The following NTM variants were observed in gnomAD, a reference collection of about 807,000 sequenced individuals.
NTM encodes IgLON family member 2.
NTM carries 13 observed loss-of-function variants against 42.1 expected under a neutral mutation model. The ratio of observed to expected loss-of-function variants is 0.31; its 90% CI spans 0.20 to 0.49. NTM has a LOEUF of 0.49. Ranked by LOEUF, NTM falls within the 20% of genes least tolerant of loss-of-function variation. NTM has a pLI of 0.99. For missense variants in NTM, 373 were observed against 452.8 expected (o/e 0.82, Z 1.60); for synonymous variants, 187 against 179.2 (o/e 1.04, Z -0.35).
At chr11:132,044,082 G>A (rs372118209) in intron 2 of NTM, among the ~76,000 whole-genome samples, 19 of 73,030 alleles carry the variant, frequency 2.6e-4, no homozygotes, top group Admixed American at 6.7e-4. Context: ...GTATGTGTTT[G>A]TGTGTATGTG....
chr11:132,317,956 G>C (rs1236001947), intron 7 of NTM, among the ~76,000 whole-genome samples: 1 of 152,192 alleles, frequency 6.6e-6, no homozygotes, highest in African/African-American at 2.4e-5. Flanking sequence ...CCAGGGATCA[G>C]CACAAAGGCA....
chr11:132,267,863 A>C (rs1056994012), intron 4 of NTM, among the ~76,000 whole-genome samples: 9 of 151,758 alleles, frequency 5.9e-5, no homozygotes, highest in African/African-American at 1.7e-4. Flanking sequence ...AACAAAAAAA[A>C]CCCAGAAACC....
At chr11:131,609,034 G>T (rs550448868) in intron 1 of NTM, among the ~76,000 whole-genome samples, 1 of 152,146 alleles carries the variant, frequency 6.6e-6, no homozygotes, top group Non-Finnish European at 1.5e-5. Context: ...AGGCCTATTC[G>T]CATGCCCAAC....
chr11:131,944,920 A>G (rs1017983912), intron 2 of NTM, among the ~76,000 whole-genome samples: 1 of 152,148 alleles, frequency 6.6e-6, no homozygotes, highest in Non-Finnish European at 1.5e-5. Context: ...ATGATGCAAG[A>G]CTAAGTAAAT....
intron 2 of NTM, among the ~76,000 whole-genome samples, chr11:132,134,839 C>T (rs1416331689): frequency 6.8e-6 from 1 of 147,788 alleles, no homozygotes; most frequent in Non-Finnish European, 1.5e-5. Flanking sequence ...GATTGTGCTG[C>T]TATATACATG....
intron 3 of NTM, among the ~76,000 whole-genome samples, chr11:132,180,106 T>A (rs2077348122): frequency 6.6e-6 from 1 of 152,212 alleles, no homozygotes; most frequent in African/African-American, 2.4e-5. Context: ...CAAAAGGGAT[T>A]GATTGTCTAT....
chr11:131,950,836 C>G (rs891689327), intron 2 of NTM, among the ~76,000 whole-genome samples: 21 of 152,214 alleles, frequency 1.4e-4, no homozygotes, highest in Non-Finnish European at 5.9e-5. Flanking sequence ...TCTTCTTCCT[C>G]CACTTCCTTC....
rs148599470 is a variant in NTM, at chr11:131,736,841, G to A, written c.83-174723G>A. ...TGTCATCCCTGCTTCCAGCCTGGAA[G>A]GAGCTTCATTTATCTGCGTTGAGAA... On this transcript the variant is annotated intron_variant, in intron 1 of 8. Coordinates refer to ENST00000683400, the MANE Select transcript of NTM (RefSeq NM_001352005.2). 7.4e-4 allele frequency among the ~76,000 whole-genome samples: 113 copies of A among 152,288 alleles called. 1 individual carries two copies. The highest frequency in any genetic ancestry group is 1.0e-3 in the Admixed American group (16 of 15,296).
At position 131,650,474 on chromosome 11, in the gene NTM, T is replaced by G. The variant is rs1857922; in HGVS notation, c.83-261090T>G. On this transcript the variant is annotated intron_variant, in intron 1 of 8. Transcript: ENST00000683400. ...ATTCTTTGCCAGAGCTTTTGAAAGT[T>G]CGGTCCAGCCTTCAGATTTTGACTT... Among the ~76,000 whole-genome samples, 3 of 152,024 alleles carry G rather than the reference T, an allele frequency of 2.0e-5. No individual in the cohort carries two copies. In the East Asian group the frequency reaches 5.8e-4, roughly 29 times the overall value.
chr11:132,000,118 A>T (rs1347735744), intron 2 of NTM, among the ~76,000 whole-genome samples: 2 of 152,162 alleles, frequency 1.3e-5, no homozygotes, highest in African/African-American at 4.8e-5. Flanking sequence ...CCTGCCTCAG[A>T]GCAGCCCTCA....
intron 1 of NTM, among the ~76,000 whole-genome samples, chr11:131,372,435 G>A (rs919920035): frequency 2.6e-5 from 4 of 152,038 alleles, no homozygotes; most frequent in African/African-American, 9.7e-5. Context: ...ATAATATGAA[G>A]CAGTATCAGT....
At chr11:131,870,517 A>G (rs2047671217) in intron 1 of NTM, among the ~76,000 whole-genome samples, 1 of 152,064 alleles carries the variant, frequency 6.6e-6, no homozygotes, top group South Asian at 2.1e-4. Context: ...AGCCTAGCCT[A>G]AGGTTGGATT....
chr11:132,165,098 A>G (rs991051827), intron 3 of NTM, among the ~76,000 whole-genome samples: 4 of 152,144 alleles, frequency 2.6e-5, no homozygotes, highest in African/African-American at 7.2e-5. Context: ...GCTTTCACCC[A>G]TGATAGTGAT....
At chr11:132,179,275 A>T (rs1566394228) in intron 3 of NTM, among the ~76,000 whole-genome samples, 1 of 152,196 alleles carries the variant, frequency 6.6e-6, no homozygotes, top group East Asian at 1.9e-4. Flanking sequence ...TTTGTTATGT[A>T]AAGATTGAGA....
chr11:131,459,575 G>T lies in NTM; in HGVS notation c.82+88687G>T, dbSNP rs143241385. Among the ~76,000 whole-genome samples, 1,216 of 152,280 alleles carry T rather than the reference G, an allele frequency of 8.0e-3. 7 individuals carry two copies. Among genetic ancestry groups the T allele is most frequent in the Middle Eastern group, 0.014 (4 of 294 alleles). On this transcript the variant is annotated intron_variant, in intron 1 of 8. Coordinates refer to ENST00000683400, the MANE Select transcript of NTM (RefSeq NM_001352005.2). ...ACCGCATTCACTGGAAACAAGCATT[G>T]ATTCACTATGAGTAAGTCCTATTAA...
intron 1 of NTM, among the ~76,000 whole-genome samples, chr11:131,523,806 GAATA>G (rs1383094515): frequency 5.7e-5 from 7 of 123,892 alleles, no homozygotes; most frequent in Admixed American, 1.6e-4. Context: ...AAAAAAAAAA[GAATA>G]AGAAGAAGAA....
chr11:131,849,056 C>T (rs1310683879), intron 1 of NTM, among the ~76,000 whole-genome samples: 1 of 152,108 alleles, frequency 6.6e-6, no homozygotes, highest in Admixed American at 6.5e-5. Context: ...TGACGTGAGG[C>T]TAAATGAACT....
rs182097685 is a variant in NTM at position 131,871,763 on chromosome 11, C to T, written c.83-39801C>T. Among the ~76,000 whole-genome samples the T allele has an allele frequency of 7.1e-3, 1,077 of 152,204 alleles. 6 individuals carry two copies. The highest frequency in any genetic ancestry group is 0.01 in the Non-Finnish European group (705 of 68,002). On this transcript the variant is annotated intron_variant, in intron 1 of 8. Coordinates refer to ENST00000683400, the MANE Select transcript of NTM (RefSeq NM_001352005.2). ...TTGTGGCTCCTGTAGGCCACCCTGC[C>T]CTGGGCTCCCTGGGGAAGTCTTTCT...
intron 1 of NTM, among the ~76,000 whole-genome samples, chr11:131,421,432 G>T (rs181574529): frequency 6.7e-4 from 102 of 152,320 alleles, no homozygotes; most frequent in African/African-American, 2.4e-3. Context: ...GATGCTGAAG[G>T]TTCCTTTGGA....
Sources: gnomAD v4.1 joint callset for allele counts (sites outside exome capture counted in the v4.1 genomes callset) on GRCh38, gnomAD v4.1.1 for gene constraint, MANE v1.5 for transcripts, NCBI Gene and HGNC (gene_info 2026-07-23, HGNC 2026-07-21) for gene names.